AKT3: variants seen among roughly 807,000 people sequenced by gnomAD.
AKT3 encodes the protein RAC-gamma serine/threonine-protein kinase.
Under a neutral mutation model 65.3 loss-of-function variants are expected in AKT3, and 15 were observed. The observed-to-expected ratio is 0.23, with a 90% CI of 0.15 to 0.35. AKT3 has a LOEUF of 0.35. Among genes scored for constraint, AKT3 ranks in the 10% least tolerant of loss-of-function variants. The pLI is 1.00. For synonymous variants in AKT3, 206 were observed against 183.8 expected (o/e 1.12, Z -0.98); for missense variants, 243 against 576.5 (o/e 0.42, Z 5.92).
chr1:243,707,645 G>T (rs1012832661), intron 2 of AKT3, among the ~76,000 whole-genome samples: 11 of 152,124 alleles, frequency 7.2e-5, no homozygotes, highest in African/African-American at 2.4e-4. Flanking sequence ...ACATGTGCAG[G>T]TTTGTTACAT....
intron 2 of AKT3, among the ~76,000 whole-genome samples, chr1:243,779,343 C>A (rs1690762586): frequency 6.9e-6 from 1 of 143,966 alleles, no homozygotes; most frequent in South Asian, 2.3e-4. Context: ...AGTGTAGATT[C>A]TCCTCCAGCA....
chr1:243,521,363 A>G (rs1413101971), intron 12 of AKT3, among the ~76,000 whole-genome samples: 1 of 152,228 alleles, frequency 6.6e-6, no homozygotes, highest in Non-Finnish European at 1.5e-5. Context: ...AAAGTAGTCA[A>G]TCATAGGTGG....
intron 3 of AKT3, among the ~76,000 whole-genome samples, chr1:243,677,957 G>A (rs532311474): frequency 1.4e-3 from 218 of 152,004 alleles, no homozygotes; most frequent in Admixed American, 2.6e-3. Flanking sequence ...GCGTGGTGGC[G>A]GGTGCCTGTA....
intron 2 of AKT3, among the ~76,000 whole-genome samples, chr1:243,777,086 G>A (rs1690600741): frequency 6.6e-6 from 1 of 152,074 alleles, no homozygotes; most frequent in East Asian, 1.9e-4. Context: ...TTTAACAGCA[G>A]TCCTCAACCT....
intron 3 of AKT3, among the ~76,000 whole-genome samples, chr1:243,670,873 T>C (rs997222022): frequency 1.3e-5 from 2 of 152,096 alleles, no homozygotes; most frequent in African/African-American, 4.8e-5. Context: ...GTAATTACTC[T>C]GCAAACCTGA....
At chr1:243,695,840 T>A (rs939781801) in intron 2 of AKT3, 124 bp from the exon 3 acceptor site, 17 of 729,646 alleles carry the variant, frequency 2.3e-5, no homozygotes, top group African/African-American at 3.7e-5. Context: ...TTACTCAATT[T>A]TCTTTTAACT....
chr1:243,785,061 C>T (rs1189665730), intron 2 of AKT3, among the ~76,000 whole-genome samples: 1 of 149,238 alleles, frequency 6.7e-6, no homozygotes, highest in Admixed American at 6.7e-5. Flanking sequence ...CTGTCCAACT[C>T]AATTTTTTTT....
chr1:243,752,732 C>T (rs2148214253), intron 2 of AKT3, among the ~76,000 whole-genome samples: 1 of 152,244 alleles, frequency 6.6e-6, no homozygotes, highest in Admixed American at 6.5e-5. Flanking sequence ...GAATGCTTTG[C>T]TCCAGAGAAC....
At chr1:243,547,557 T>G (rs1454923250) in intron 11 of AKT3, among the ~76,000 whole-genome samples, 1 of 152,186 alleles carries the variant, frequency 6.6e-6, no homozygotes, top group Non-Finnish European at 1.5e-5. Context: ...TAAGCCCACA[T>G]TTCAACTTAA....
At chr1:243,819,302 C>A (rs1304355236) in intron 2 of AKT3, among the ~76,000 whole-genome samples, 1 of 152,204 alleles carries the variant, frequency 6.6e-6, no homozygotes, top group African/African-American at 2.4e-5. Context: ...CGTTTTTTCC[C>A]TGCTGGTGCC....
chr1:243,562,440 G>A (rs1222428476), intron 10 of AKT3, among the ~76,000 whole-genome samples: 1 of 152,162 alleles, frequency 6.6e-6, no homozygotes, highest in African/African-American at 2.4e-5. Context: ...ACCAAAGTGT[G>A]TATTTTAAAA....
intron 4 of AKT3, among the ~76,000 whole-genome samples, chr1:243,649,133 TGTGA>T (rs1461555986): frequency 2.6e-5 from 4 of 152,100 alleles, no homozygotes; most frequent in African/African-American, 4.8e-5. Flanking sequence ...TAATGGCTCT[TGTGA>T]GTTTTTTGAC....
intron 2 of AKT3, among the ~76,000 whole-genome samples, chr1:243,757,781 T>C (rs535024791): frequency 3.3e-5 from 5 of 151,756 alleles, no homozygotes; most frequent in Admixed American, 2.6e-4. Flanking sequence ...TTTTTTTTCA[T>C]ATGGAATCTT....
At chr1:243,811,274 C>T (rs1693131034) in intron 2 of AKT3, among the ~76,000 whole-genome samples, 1 of 152,098 alleles carries the variant, frequency 6.6e-6, no homozygotes, top group Non-Finnish European at 1.5e-5. Context: ...TCTAGAAAAC[C>T]CCATGGTCTC....
intron 3 of AKT3, among the ~76,000 whole-genome samples, chr1:243,688,995 A>G (rs537111403): frequency 2.6e-5 from 4 of 152,284 alleles, no homozygotes; most frequent in South Asian, 2.1e-4. Context: ...TTCAGGGCTC[A>G]TGTTAACCCC....
At chr1:243,603,854 C>T (rs937963250) in intron 8 of AKT3, among the ~76,000 whole-genome samples, 2 of 151,058 alleles carry the variant, frequency 1.3e-5, no homozygotes, top group Non-Finnish European at 2.9e-5. Context: ...CTAAATATTA[C>T]TAGAATTTGC....
At chr1:243,651,739 G>A (rs1444853097) in intron 4 of AKT3, among the ~76,000 whole-genome samples, 4 of 152,180 alleles carry the variant, frequency 2.6e-5, no homozygotes, top group Non-Finnish European at 5.9e-5. Context: ...TCCCAGGGAT[G>A]AAGCTGACTT....
At chr1:243,646,135 T>G in intron 4 of AKT3, 98 bp from the exon 5 acceptor site, 1 of 1,078,830 alleles carries the variant, frequency 9.3e-7, no homozygotes, top group African/African-American at 1.6e-5. Context: ...TAAAATCTAT[T>G]CAGAGATCAA....
chr1:243,699,491 ATATATATATATATATATAT>A (rs1558733428), intron 2 of AKT3, among the ~76,000 whole-genome samples: 4 of 117,118 alleles, frequency 3.4e-5, no homozygotes, highest in African/African-American at 1.7e-4. Context: ...ATATATATAT[ATATATATATATATATATAT>A]ATAATCTTCA....
Sources: gnomAD v4.1 joint callset for allele counts (sites outside exome capture counted in the v4.1 genomes callset) on GRCh38, gnomAD v4.1.1 for gene constraint, MANE v1.5 for transcripts, NCBI Gene and HGNC (gene_info 2026-07-23, HGNC 2026-07-21) for gene names.